VIM: variants seen among roughly 807,000 people sequenced by gnomAD.
VIM encodes the protein vimentin, also known as epididymis secretory sperm binding protein.
A neutral mutation model predicts 50.3 loss-of-function variants in VIM; 18 were observed. The ratio of observed to expected loss-of-function variants is 0.36; its 90% CI spans 0.25 to 0.53. The LOEUF (loss-of-function observed/expected upper bound fraction) is 0.53, where lower values mean the gene tolerates loss of function less well. Among genes scored for constraint, VIM ranks in the 20% least tolerant of loss-of-function variants. The pLI is 0.91. For missense variants in VIM, 551 were observed against 614.7 expected (o/e 0.90, Z 1.10); for synonymous variants, 245 against 248.5 (o/e 0.99, Z 0.13).
rs377255736 is a variant in VIM at position 17,229,437 on chromosome 10, C to T, written c.15C>T (p.Ser5=). The T allele has an allele frequency of 9.8e-5, 158 of 1,605,456 alleles. 1 individual carries two copies. The highest frequency in any genetic ancestry group is 1.3e-4 in the Non-Finnish European group (155 of 1,178,916). Residue 5 remains serine (S), a synonymous_variant, in exon 2 of 10, where the codon TCC becomes TCT. Transcript: ENST00000544301. MSTR[S]VSSSSYRRMF... ...CCTCCGCAGCCATGTCCACCAGGTC[C>T]GTGTCCTCGTCCTCCTACCGCAGGA...
chr10:17,230,542 TG>T, intron 2 of VIM, 107 bp from the exon 3 acceptor site: 1 of 1,257,290 alleles, frequency 8.0e-7, no homozygotes, highest in Non-Finnish European at 1.2e-6. Context: ...TGCGCGGAGG[TG>T]GCGCAGCTGC....
chr10:17,235,524 G>T, intron 7 of VIM, 135 bp downstream of exon 7: 1 of 982,152 alleles, frequency 1.0e-6, no homozygotes, highest in East Asian at 2.6e-5. Context: ...TTTTGTAGAG[G>T]AGGAATTTGA....
intron 3 of VIM, chr10:17,231,137 A>G (rs1224323657): frequency 6.4e-6 from 1 of 157,012 alleles, no homozygotes; most frequent in Non-Finnish European, 1.4e-5. Context: ...ACAATTTTAG[A>G]TTGTGGTTTG....
intron 2 of VIM, chr10:17,230,323 C>G: frequency 1.8e-6 from 1 of 569,012 alleles, no homozygotes; most frequent in Non-Finnish European, 3.2e-6. Context: ...GTTTCCTGCC[C>G]CTTCTGGCAG....
At chr10:17,230,553 C>T (rs369710897) in intron 2 of VIM, 97 bp from the exon 3 acceptor site, 4 of 1,379,180 alleles carry the variant, frequency 2.9e-6, no homozygotes, top group South Asian at 1.2e-5. Context: ...GGCGCAGCTG[C>T]TCTGGAGGCG....
At chr10:17,230,546 G>A (rs553682748) in intron 2 of VIM, 104 bp from the exon 3 acceptor site, 2 of 1,313,562 alleles carry the variant, frequency 1.5e-6, no homozygotes, top group African/African-American at 1.5e-5. Flanking sequence ...CGGAGGTGGC[G>A]CAGCTGCTCT....
rs1846734566 is a variant in VIM at position 17,229,269 on chromosome 10, G to A, written c.-147-7G>A. ...GTTATAAAAACAGCGCCCTCGGCGG[G>A]GTCCAGTCCTCTGCCACTCTCGCTC... On this transcript the variant is annotated splice_polypyrimidine_tract_variant and splice_region_variant and intron_variant, in intron 1 of 9. Transcript: ENST00000544301. 1 of 731,910 alleles carries A rather than the reference G, an allele frequency of 1.4e-6. No homozygotes were observed. Among genetic ancestry groups the A allele is most frequent in the Non-Finnish European group, 2.2e-6 (1 of 453,868 alleles). 45.3% of individuals were successfully genotyped at this position (731,910 alleles called of 1,614,324 possible). A position where few individuals can be genotyped will look rare whatever the true frequency, so the allele number is the denominator to read the frequency against.
chr10:17,231,893 G>A (rs1325598030), intron 3 of VIM, among the ~76,000 whole-genome samples: 1 of 151,746 alleles, frequency 6.6e-6, no homozygotes, highest in African/African-American at 2.4e-5. Flanking sequence ...ATATTTACTG[G>A]GATTAACTGC....
At chr10:17,234,553 C>T in intron 5 of VIM, 140 bp from the exon 6 acceptor site, 1 of 1,211,656 alleles carries the variant, frequency 8.3e-7, no homozygotes, top group Non-Finnish European at 1.2e-6. Context: ...GTCAGTACTC[C>T]ACTGCTCTTT....
At chr10:17,230,441 G>T in intron 2 of VIM, 1 of 677,788 alleles carries the variant, frequency 1.5e-6, no homozygotes, top group Non-Finnish European at 2.7e-6. Flanking sequence ...CTGTAGGTCT[G>T]TGCGGCCACC....
At chr10:17,229,240 C>T in intron 1 of VIM, 36 bp from the exon 2 acceptor site, 2 of 558,138 alleles carry the variant, frequency 3.6e-6, no homozygotes, top group Non-Finnish European at 6.2e-6. Flanking sequence ...TCTTTCCTAA[C>T]GGGGTTATAA....
At position 17,230,552 on chromosome 10, in the gene VIM, G is replaced by A. The variant is rs1846770252; in HGVS notation, c.564-98G>A. On this transcript the variant is annotated intron_variant, in intron 2 of 9. Coordinates refer to ENST00000544301, the MANE Select transcript of VIM (RefSeq NM_003380.5). ...CTAGTTGCGCGGAGGTGGCGCAGCT[G>A]CTCTGGAGGCGCAGAGCGAATACGT... is the stretch of plus-strand genomic sequence containing the variant. 2.2e-6 allele frequency: 3 copies of A among 1,367,310 alleles called. No homozygotes were observed. The African/African-American group carries it at 4.3e-5, about 20-fold the overall frequency. The allele number at this position is 1,367,310 out of a possible 1,614,324, so 84.7% of individuals were successfully genotyped here. A position where few individuals can be genotyped will look rare whatever the true frequency, so the allele number is the denominator to read the frequency against.
chr10:17,233,343 TTGTC>T (rs1267982133), intron 3 of VIM: 51 of 501,150 alleles, frequency 1.0e-4, no homozygotes, highest in South Asian at 2.7e-4. Flanking sequence ...TATTTTAAAA[TTGTC>T]TGATCACCAC....
intron 2 of VIM, chr10:17,230,346 C>G: frequency 7.1e-6 from 4 of 567,310 alleles, no homozygotes; most frequent in Non-Finnish European, 1.3e-5. Context: ...TGCCAATCAC[C>G]GGGCGGGAGA....
rs896040910 is a variant in VIM, at chr10:17,237,457, C to G, written c.*186C>G. 3.4e-6 allele frequency: 2 copies of G among 593,382 alleles called. No homozygotes were observed. Among genetic ancestry groups the G allele is most frequent in the Non-Finnish European group, 5.9e-6 (2 of 339,164 alleles). The allele number at this position is 593,382 out of a possible 1,614,324, so 36.8% of individuals were successfully genotyped here. A position where few individuals can be genotyped will look rare whatever the true frequency, so the allele number is the denominator to read the frequency against. On this transcript the variant is annotated 3_prime_UTR_variant, in exon 10 of 10. Transcript: ENST00000544301. ...ACAAGATTTAGAAAAAAGTTTACAA[C>G]ATAATCTAGTTTACAGAAAAATCTT...
At position 17,229,861 on chromosome 10, in the gene VIM, G is replaced by A; in HGVS notation, c.439G>A (p.Gly147Arg). The change falls in exon 2 of 10, where the codon GGG (glycine) becomes AGG (arginine). Residue 147 changes from glycine to arginine, a missense_variant. Physicochemically the swap from Gly to Arg is moderately radical, Grantham distance 125. Coordinates refer to ENST00000544301, the MANE Select transcript of VIM (RefSeq NM_003380.5). ...CAAGGGCCAAGGCAAGTCGCGCCTG[G>A]GGGACCTCTACGAGGAGGAGATGCG... Reference protein sequence around the residue: ...QLKGQGKSRLGDLYEEEMREL... With the variant: ...QLKGQGKSRLRDLYEEEMREL... 6.2e-7 allele frequency: 1 copy of A among 1,608,578 alleles called. No individual in the cohort carries two copies. Among genetic ancestry groups the A allele is most frequent in the Non-Finnish European group, 8.5e-7 (1 of 1,177,844 alleles).
intron 6 of VIM, 97 bp from the exon 7 acceptor site, chr10:17,235,072 C>T (rs1433733485): frequency 4.9e-6 from 7 of 1,418,532 alleles, no homozygotes; most frequent in South Asian, 4.8e-5. Flanking sequence ...CGCCATTTGC[C>T]GCTAATGGAA....
chr10:17,236,255 A>G, intron 8 of VIM, 39 bp from the exon 9 acceptor site: 1 of 1,486,818 alleles, frequency 6.7e-7, no homozygotes, highest in Non-Finnish European at 9.4e-7. Flanking sequence ...CCAAGAAAAA[A>G]CTCGTTTTTA....
Position 17,237,293 on chromosome 10 carries a change from G to A in VIM, c.*22G>A. On this transcript the variant is annotated 3_prime_UTR_variant, in exon 10 of 10. Transcript: ENST00000544301. ...ATAAAAATTGCACACACTCAGTGCA[G>A]CAATATATTACCAGCAAGAATAAAA... 1.2e-6 allele frequency: 2 copies of A among 1,600,262 alleles called. No homozygotes were observed. The highest frequency in any genetic ancestry group is 2.2e-5 in the East Asian group (1 of 44,808).
Sources: gnomAD v4.1 joint callset for allele counts (sites outside exome capture counted in the v4.1 genomes callset) on GRCh38, gnomAD v4.1.1 for gene constraint, MANE v1.5 for transcripts, NCBI Gene and HGNC (gene_info 2026-07-23, HGNC 2026-07-21) for gene names.